Variants in DOCK1 observed in about 807,000 individuals in gnomAD.
DOCK1 encodes the protein dedicator of cytokinesis 1, also known as dedicator of cytokinesis protein 1.
In DOCK1, 138 loss-of-function variants were observed where a neutral mutation model predicts 262.7. The ratio of observed to expected loss-of-function variants is 0.53; its 90% CI spans 0.46 to 0.61. The LOEUF (loss-of-function observed/expected upper bound fraction) is 0.61. Ranked by LOEUF, DOCK1 falls within the 20% of genes least tolerant of loss-of-function variation. The probability of loss-of-function intolerance (pLI) is 0.00; values close to 1 mark genes in which losing one functional copy is unlikely to be tolerated. For synonymous variants in DOCK1, 866 were observed against 867.4 expected (o/e 1.00, Z 0.03); for missense variants, 1,908 against 2,370.7 (o/e 0.80, Z 4.05).
chr10:127,055,447 A>G (rs11018337), intron 22 of DOCK1, among the ~76,000 whole-genome samples: 191 of 152,322 alleles, frequency 1.3e-3, no homozygotes, highest in Non-Finnish European at 2.0e-3. Context: ...ATGTGCTTTC[A>G]TCTTATTGGC....
intron 27 of DOCK1, among the ~76,000 whole-genome samples, chr10:127,187,738 GAA>G (rs934655490): frequency 1.7e-5 from 2 of 115,836 alleles, no homozygotes; most frequent in African/African-American, 5.6e-5. Context: ...GAGAAAGAAA[GAA>G]AGAAAGAGAG....
chr10:127,403,617 G>A (rs140981281), intron 39 of DOCK1, among the ~76,000 whole-genome samples: 144 of 152,308 alleles, frequency 9.5e-4, no homozygotes, highest in African/African-American at 3.4e-3. Flanking sequence ...AAAGTAGCCG[G>A]GCGTGGTAGC....
At position 127,012,119 on chromosome 10, in the gene DOCK1, T is replaced by C. The variant is rs1003866174; in HGVS notation, c.1059-113T>C. On this transcript the variant is annotated intron_variant, in intron 11 of 51. Transcript: ENST00000623213. The surrounding 1 kb of genome is among the most constrained non-coding windows in gnomAD (Gnocchi z 4.0). Reference sequence around the variant, plus strand: ...TCCTTTGTCGTGCGTTGACTCATGATGCCTCCCTCTCGCACTCGGTGACGA... The same window carrying C: ...TCCTTTGTCGTGCGTTGACTCATGACGCCTCCCTCTCGCACTCGGTGACGA... 1.5e-6 allele frequency: 1 copy of C among 647,522 alleles called. No homozygotes were observed. The highest frequency in any genetic ancestry group is 2.8e-6 in the Non-Finnish European group (1 of 353,550). The allele number at this position is 647,522 out of a possible 1,614,324, so 40.1% of individuals were successfully genotyped here.
chr10:127,072,229 G>A (rs1288652042), intron 23 of DOCK1, among the ~76,000 whole-genome samples: 2 of 152,158 alleles, frequency 1.3e-5, no homozygotes, highest in East Asian at 3.8e-4. Context: ...GTTGAGTTAT[G>A]TATTCACCTG....
chr10:127,133,059 T>C (rs760365896), intron 27 of DOCK1, among the ~76,000 whole-genome samples: 2 of 152,202 alleles, frequency 1.3e-5, no homozygotes, highest in Non-Finnish European at 1.5e-5. Flanking sequence ...CTAAACACTG[T>C]CTCAGGGGGA....
At chr10:127,220,054 A>G (rs2058367868) in intron 27 of DOCK1, among the ~76,000 whole-genome samples, 2 of 152,146 alleles carry the variant, frequency 1.3e-5, no homozygotes, top group Admixed American at 1.3e-4. Context: ...TTCAAAATCA[A>G]TGCTGGGAGC....
chr10:127,188,174 A>G (rs2056450325), intron 27 of DOCK1, among the ~76,000 whole-genome samples: 1 of 152,186 alleles, frequency 6.6e-6, no homozygotes, highest in South Asian at 2.1e-4. Flanking sequence ...ACAGGCCCAC[A>G]GAGTGTCTGT....
chr10:127,148,030 C>CAAAAAAAAAA (rs57503481), intron 27 of DOCK1, among the ~76,000 whole-genome samples: 1 of 63,276 alleles, frequency 1.6e-5, no homozygotes, highest in Non-Finnish European at 3.3e-5. Context: ...GACTCTGTCT[C>CAAAAAAAAAA]AAAAAAAAAA....
At chr10:127,246,445 G>A (rs1590104121) in intron 27 of DOCK1, among the ~76,000 whole-genome samples, 1 of 152,182 alleles carries the variant, frequency 6.6e-6, no homozygotes, top group East Asian at 1.9e-4. Context: ...AAGATACAAA[G>A]GCAGCCTTTC....
At chr10:127,147,766 C>T (rs2052034523) in intron 27 of DOCK1, among the ~76,000 whole-genome samples, 2 of 151,380 alleles carry the variant, frequency 1.3e-5, no homozygotes, top group South Asian at 4.2e-4. Context: ...GGCACGGTGG[C>T]TCATGCCTGT....
intron 49 of DOCK1, among the ~76,000 whole-genome samples, chr10:127,439,866 G>A (rs2069973390): frequency 6.6e-6 from 1 of 152,140 alleles, no homozygotes; most frequent in Admixed American, 6.5e-5. Context: ...TCGTGGGCGT[G>A]TGAGGGCGGT....
chr10:126,955,255 A>G (rs1463674184), intron 1 of DOCK1, among the ~76,000 whole-genome samples: 3 of 152,092 alleles, frequency 2.0e-5, no homozygotes, highest in African/African-American at 7.2e-5. Context: ...CCTCCCAAGT[A>G]GCTGGGATTA....
chr10:127,008,991 GTT>G lies in DOCK1; in HGVS notation c.1058+189_1058+190del, dbSNP rs1471439977. On this transcript the variant is annotated intron_variant, in intron 11 of 51. Transcript: ENST00000623213. ...GTAGCCATAAGAATCCTGGGTCAAA[GTT>G]TGTTTATGGTCCTGGAAGTAGGAGA... Among the ~76,000 whole-genome samples the G allele has an allele frequency of 2.6e-5, 4 of 152,322 alleles. 1 individual carries two copies. The highest frequency in any genetic ancestry group is 7.2e-5 in the African/African-American group (3 of 41,582).
intron 25 of DOCK1, among the ~76,000 whole-genome samples, chr10:127,117,796 T>A (rs2049285347): frequency 6.6e-6 from 1 of 152,136 alleles, no homozygotes; most frequent in South Asian, 2.1e-4. Context: ...AGTCCCTGAG[T>A]CTCTTTAGTA....
At position 126,968,246 on chromosome 10, in the gene DOCK1, T is replaced by G. The variant is rs566112428; in HGVS notation, c.47-2456T>G. Among the ~76,000 whole-genome samples the G allele has an allele frequency of 2.6e-5, 4 of 152,180 alleles. No homozygotes were observed. The South Asian group carries it at 8.3e-4, about 32-fold the overall frequency. ...CTTCCGCTCCTCTCTCCTACTCCCT[T>G]GTCAAATACCCTTGCAAGGCTGGCT... is the stretch of plus-strand genomic sequence containing the variant. On this transcript the variant is annotated intron_variant, in intron 1 of 51. Transcript: ENST00000623213.
chr10:127,099,886 T>G (rs1315480164), intron 23 of DOCK1, among the ~76,000 whole-genome samples: 1 of 151,972 alleles, frequency 6.6e-6, no homozygotes, highest in Non-Finnish European at 1.5e-5. Flanking sequence ...AGTCTAACTG[T>G]GTGTTTGGGG....
chr10:127,367,056 C>G (rs1353941878), intron 33 of DOCK1, among the ~76,000 whole-genome samples: 1 of 152,140 alleles, frequency 6.6e-6, no homozygotes, highest in Non-Finnish European at 1.5e-5. Context: ...TTTACTCTTA[C>G]AATTGGAGTA....
At position 127,179,040 on chromosome 10, in the gene DOCK1, T is replaced by C. The variant is rs147758522; in HGVS notation, c.2847+51276T>C. 4.1e-4 allele frequency among the ~76,000 whole-genome samples: 63 copies of C among 152,338 alleles called. No homozygotes were observed. In the East Asian group the frequency reaches 6.9e-3, roughly 17 times the overall value. On this transcript the variant is annotated intron_variant, in intron 27 of 51. Transcript: ENST00000623213. ...ATCATTCTGCAGAAGACCTTCATACTAGGGAAAATTTGAAAGAGAGAGCAT... is the reference window on the plus strand; with the variant it reads ...ATCATTCTGCAGAAGACCTTCATACCAGGGAAAATTTGAAAGAGAGAGCAT...
chr10:127,072,098 T>C (rs1268170349), intron 23 of DOCK1, among the ~76,000 whole-genome samples: 1 of 152,232 alleles, frequency 6.6e-6, no homozygotes, highest in Non-Finnish European at 1.5e-5. Flanking sequence ...TCTTGGATTC[T>C]GCCTGCTGCC....
Sources: allele counts gnomAD v4.1 joint callset (sites outside exome capture counted in the v4.1 genomes callset), GRCh38; gene constraint gnomAD v4.1.1; non-coding constraint Gnocchi (gnomAD v3.1); transcripts MANE v1.5; gene names NCBI Gene and HGNC (gene_info 2026-07-23, HGNC 2026-07-21).